The following RBM43 variants were observed in gnomAD, a reference collection of about 807,000 sequenced individuals.
RBM43 encodes RNA-binding protein 43.
A neutral mutation model predicts 12.4 loss-of-function variants in RBM43; 12 were observed. The observed-to-expected ratio is 0.97, with a 90% confidence interval of 0.62 to 1.57. The LOEUF is 1.57. RBM43 is among the 40% of genes most tolerant of loss of function. The pLI is 0.00. For synonymous variants in RBM43, 138 were observed against 145.7 expected, an observed-to-expected ratio of 0.95 and a Z score of 0.38; for missense variants, 348 against 400.1, an observed-to-expected ratio of 0.87 and a Z score of 1.11.
Position 151,251,610 on chromosome 2 carries a change from T to C in RBM43, c.370A>G (p.Thr124Ala), listed in dbSNP as rs763462683. 1 of 1,612,742 alleles carries C rather than the reference T, an allele frequency of 6.2e-7. No homozygotes were observed. Among genetic ancestry groups the C allele is most frequent in the Admixed American group, 1.7e-5 (1 of 59,768 alleles). The change falls in exon 4 of 4, where the codon ACT becomes GCT. Residue 124 changes from threonine (T) to alanine (A), a missense_variant. Transcript: ENST00000331426. ...AGGTCTTTTACCAGAGTTTCTAGAG[T>C]AACTTCTTTTCCAAAAACAGAAAGA... ...LDLSVFGKEV[T>A]LETLVKDLKK...
intron 1 of RBM43, among the ~76,000 whole-genome samples, chr2:151,257,311 AACACACAC>A (rs71403150): frequency 1.3e-5 from 2 of 150,710 alleles, no homozygotes; most frequent in African/African-American, 4.9e-5. Context: ...TGCGTGCACA[AACACACAC>A]ACACACACAC....
At chr2:151,252,660 G>T in intron 3 of RBM43, 95 bp downstream of exon 3, 1 of 674,342 alleles carries the variant, frequency 1.5e-6, no homozygotes. Flanking sequence ...TAGAAGTCAT[G>T]GAGTGAGAGC....
At chr2:151,261,072 T>C (rs1337179534) in intron 1 of RBM43, 1 of 667,722 alleles carries the variant, frequency 1.5e-6, no homozygotes, top group Non-Finnish European at 2.4e-6. Context: ...ACGTACTTGC[T>C]TTTGCATTTC....
At position 151,251,668 on chromosome 2, in the gene RBM43, A is replaced by T. The variant is rs1404451752; in HGVS notation, c.316-4T>A. On this transcript the variant is annotated splice_polypyrimidine_tract_variant and splice_region_variant and intron_variant, in intron 3 of 3. Transcript: ENST00000331426. ...TGGCATTTACAGAGCTGAAGATCTG[A>T]AATTAAAAAGAGAGAAATGAAAACA... is the stretch of plus-strand genomic sequence containing the variant. The T allele has an allele frequency of 1.2e-6, 2 of 1,600,490 alleles. No homozygotes were observed. Among genetic ancestry groups the T allele is most frequent in the African/African-American group, 2.7e-5 (2 of 73,824 alleles).
Position 151,250,619 on chromosome 2 carries a change from T to A in RBM43, c.*287A>T, listed in dbSNP as rs1682886071. 1 of 217,762 alleles carries A rather than the reference T, an allele frequency of 4.6e-6. No individual in the cohort carries two copies. Among genetic ancestry groups the A allele is most frequent in the Non-Finnish European group, 8.7e-6 (1 of 114,652 alleles). 13.5% of individuals were successfully genotyped at this position (217,762 alleles called of 1,614,324 possible). ...ATCTCAAAAAAAAAAAAAAAAAAGT[T>A]TGGTGAGTTTTTTTCAAAGTTTTAT... On this transcript the variant is annotated 3_prime_UTR_variant, in exon 4 of 4. Transcript: ENST00000331426.
chr2:151,261,641 C>G, intron 1 of RBM43, 84 bp downstream of exon 1: 1 of 1,555,454 alleles, frequency 6.4e-7, no homozygotes, highest in South Asian at 1.2e-5. Flanking sequence ...GCCCGTCGCG[C>G]CCGGTTCCGC....
chr2:151,252,727 TCA>T, intron 3 of RBM43, 26 bp downstream of exon 3: 1 of 1,216,082 alleles, frequency 8.2e-7, no homozygotes, highest in Non-Finnish European at 1.2e-6. Context: ...TACAGGACTA[TCA>T]GTACACCTAC....
rs1487340220 is a variant in RBM43, at chr2:151,251,171, G to A, written c.809C>T (p.Pro270Leu). The A allele has an allele frequency of 6.2e-7, 1 of 1,613,948 alleles. No individual in the cohort carries two copies. The highest frequency in any genetic ancestry group is 8.5e-7 in the Non-Finnish European group (1 of 1,179,998). ...CTCTTTTACATGTTTTGCATTGTTTGGCTGAGAACCAACTTGAATGCTTTT... is the reference window on the plus strand; with the variant it reads ...CTCTTTTACATGTTTTGCATTGTTTAGCTGAGAACCAACTTGAATGCTTTT... ...CLKSIQVGSQ[P>L]NNAKHVKELI... Residue 270 changes from proline (P) to leucine (L), a missense_variant, in exon 4 of 4, where the codon CCA (proline) becomes CTA (leucine). Pro to Leu is a moderately conservative substitution (Grantham distance 98). Transcript: ENST00000331426.
Position 151,255,749 on chromosome 2 carries a change from A to C in RBM43, c.4-6T>G, listed in dbSNP as rs886807077. 1 of 1,596,602 alleles carries C rather than the reference A, an allele frequency of 6.3e-7. No individual in the cohort carries two copies. The highest frequency in any genetic ancestry group is 1.7e-5 in the Admixed American group (1 of 59,964). On this transcript the variant is annotated splice_region_variant and splice_polypyrimidine_tract_variant and intron_variant, in intron 1 of 3. Transcript: ENST00000331426. The stretch of plus-strand genomic sequence containing the variant: ...TTGACATTCAAAACTGATGCCTGTA[A>C]GAGAAACAGCAGGTTATTCTTTAAA...
chr2:151,258,821 C>A lies in RBM43; in HGVS notation c.3+2904G>T, dbSNP rs1683008384. Among the ~76,000 whole-genome samples, 3 of 152,124 alleles carry A rather than the reference C, an allele frequency of 2.0e-5. No individual in the cohort carries two copies. The South Asian group carries it at 6.2e-4, about 31-fold the overall frequency. On this transcript the variant is annotated intron_variant, in intron 1 of 3. Transcript: ENST00000331426. ...CCCCAGCCTAAAAATCATAAGAAAA[C>A]TAAAGTACTTGCATGATTTTAAGTA...
rs759240244 is a variant in RBM43 at position 151,251,137 on chromosome 2, C to T, written c.843G>A (p.Glu281=). The part of the protein sequence containing the change: ...NNAKHVKELI[E]EWSHALYLKL... ...TTAAGTAAAGAGCATGTGACCATTC[C>T]TCAATGAGCTCTTTTACATGTTTTG... Residue 281 remains glutamate, a synonymous_variant, in exon 4 of 4, where the codon GAG becomes GAA. Transcript: ENST00000331426. 1 of 1,613,448 alleles carries T rather than the reference C, an allele frequency of 6.2e-7. No individual in the cohort carries two copies. Among genetic ancestry groups the T allele is most frequent in the South Asian group, 1.1e-5 (1 of 91,044 alleles).
intron 2 of RBM43, 96 bp downstream of exon 2, chr2:151,255,437 A>G (rs1030272976): frequency 5.5e-6 from 5 of 915,476 alleles, no homozygotes; most frequent in Non-Finnish European, 8.3e-6. Context: ...ACTACTTTAA[A>G]ATTTACCAAT....
At position 151,257,740 on chromosome 2, in the gene RBM43, A is replaced by G. The variant is rs147845062; in HGVS notation, c.4-1997T>C. On this transcript the variant is annotated intron_variant, in intron 1 of 3. Coordinates refer to ENST00000331426, the MANE Select transcript of RBM43 (RefSeq NM_198557.3). ...ACAATAAACCCAGTTGAAGGGAGCA[A>G]TCAGCACAGGAGAGTTCAACAAATG... is the stretch of plus-strand genomic sequence containing the variant. Among the ~76,000 whole-genome samples the G allele has an allele frequency of 3.0e-4, 46 of 152,242 alleles. No homozygotes were observed. The East Asian group carries it at 8.1e-3, about 27-fold the overall frequency.
rs1282511340 is a variant in RBM43, at chr2:151,261,281, A to C, written c.3+444T>G. The C allele has an allele frequency of 3.2e-6, 5 of 1,550,520 alleles. No individual in the cohort carries two copies. The South Asian group carries it at 4.8e-5, about 15-fold the overall frequency. On this transcript the variant is annotated intron_variant, in intron 1 of 3. Transcript: ENST00000331426. The stretch of plus-strand genomic sequence containing the variant: ...ATCGTTCTTATTAGCCCTTTTCAAA[A>C]GGCAGCTGTGACCTCCATTTCTGGC...
chr2:151,253,880 A>C (rs1251995331), intron 2 of RBM43, among the ~76,000 whole-genome samples: 1 of 151,734 alleles, frequency 6.6e-6, no homozygotes, highest in Non-Finnish European at 1.5e-5. Context: ...TCACAAAATT[A>C]CCAGTCCCTC....
At chr2:151,254,287 A>ATCTCTCTC (rs71000460) in intron 2 of RBM43, among the ~76,000 whole-genome samples, 2 of 149,414 alleles carry the variant, frequency 1.3e-5, no homozygotes. Flanking sequence ...ACCGAGGCCA[A>ATCTCTCTC]TCTCTCTCTC....
At chr2:151,253,594 A>C (rs559314055) in intron 2 of RBM43, among the ~76,000 whole-genome samples, 1 of 152,294 alleles carries the variant, frequency 6.6e-6, no homozygotes, top group South Asian at 2.1e-4. Flanking sequence ...CTGCCCTATC[A>C]AAGCCAACGA....
In RBM43 at chr2:151,261,837, G is replaced by C; in HGVS notation, c.-110C>G. On this transcript the variant is annotated 5_prime_UTR_variant, in exon 1 of 4. Transcript: ENST00000331426. ...GGTTTTGGTTTCGTTTTTTGTTCCAGCTCCCTTGGAGGCTACGAAGAAAAG... is the reference window on the plus strand; with the variant it reads ...GGTTTTGGTTTCGTTTTTTGTTCCACCTCCCTTGGAGGCTACGAAGAAAAG... 1.5e-6 allele frequency: 2 copies of C among 1,296,616 alleles called. No individual in the cohort carries two copies. Among genetic ancestry groups the C allele is most frequent in the Non-Finnish European group, 2.1e-6 (2 of 930,724 alleles). 80.3% of individuals were successfully genotyped at this position (1,296,616 alleles called of 1,614,324 possible). A position where few individuals can be genotyped will look rare whatever the true frequency, so the allele number is the denominator to read the frequency against.
Position 151,251,528 on chromosome 2 carries a change from G to C in RBM43, c.452C>G (p.Ser151Cys). 6.2e-7 allele frequency: 1 copy of C among 1,614,132 alleles called. No individual in the cohort carries two copies. Among genetic ancestry groups the C allele is most frequent in the Non-Finnish European group, 8.5e-7 (1 of 1,180,020 alleles). Residue 151 changes from serine (S) to cysteine (C), a missense_variant, in exon 4 of 4, where the codon TCC becomes TGC. Coordinates refer to ENST00000331426, the MANE Select transcript of RBM43 (RefSeq NM_198557.3). ...GACAGCCAGAAATGATCCTTCCACGGAGATTCTTCCATTGGGTTTCAAAGG... is the reference window on the plus strand; with the variant it reads ...GACAGCCAGAAATGATCCTTCCACGCAGATTCTTCCATTGGGTTTCAAAGG... The part of the protein sequence containing the change: ...FSPLKPNGRI[S>C]VEGSFLAVKR...
Sources: gnomAD v4.1 joint callset for allele counts (sites outside exome capture counted in the v4.1 genomes callset) on GRCh38, gnomAD v4.1.1 for gene constraint, MANE v1.5 for transcripts, NCBI Gene and HGNC (gene_info 2026-07-23, HGNC 2026-07-21) for gene names.